EYS: variants seen among roughly 807,000 people sequenced by gnomAD.
EYS encodes protein eyes shut homolog.
A neutral mutation model predicts 282.1 loss-of-function variants in EYS; 250 were observed. The observed-to-expected ratio is 0.89, with a 90% CI of 0.80 to 0.98. EYS has a LOEUF of 0.98. Ranked by LOEUF, EYS falls within the 50% of genes least tolerant of loss-of-function variation. The pLI is 0.00. For missense variants in EYS, 4,016 were observed against 3,709.0 expected, an observed-to-expected ratio of 1.08 and a Z score of -2.15; for synonymous variants, 1,355 against 1,282.9, an observed-to-expected ratio of 1.06 and a Z score of -1.20.
At chr6:65,363,190 T>C (rs1441521401) in intron 8 of EYS, among the ~76,000 whole-genome samples, 5 of 84,924 alleles carry the variant, frequency 5.9e-5, no homozygotes, top group Non-Finnish European at 1.1e-4. Context: ...AAAATGATAT[T>C]AAAACTCTTT....
intron 2 of EYS, among the ~76,000 whole-genome samples, chr6:65,499,546 T>C (rs538847859): frequency 2.7e-4 from 41 of 151,984 alleles, no homozygotes; most frequent in Admixed American, 7.2e-4. Context: ...AAATTATACA[T>C]TGTACTTTCA....
At chr6:65,171,116 T>C (rs1247657111) in intron 12 of EYS, among the ~76,000 whole-genome samples, 1 of 151,488 alleles carries the variant, frequency 6.6e-6, no homozygotes, top group Non-Finnish European at 1.5e-5. Context: ...TAATTATCTG[T>C]TACTTGAATT....
intron 5 of EYS, chr6:65,489,639 G>A (rs1765953727): frequency 6.6e-6 from 1 of 152,084 alleles, no homozygotes; most frequent in Admixed American, 6.6e-5. Context: ...TATACCCAAA[G>A]GATTATAATC....
chr6:65,219,353 T>A (rs1766400591), intron 12 of EYS, among the ~76,000 whole-genome samples: 1 of 152,152 alleles, frequency 6.6e-6, no homozygotes, highest in African/African-American at 2.4e-5. Flanking sequence ...AAATTGGTGA[T>A]TGGTAAAACC....
intron 26 of EYS, among the ~76,000 whole-genome samples, chr6:64,560,825 C>T (rs1026176081): frequency 3.3e-5 from 5 of 151,790 alleles, no homozygotes; most frequent in East Asian, 3.9e-4. Flanking sequence ...TAAGTGCAGA[C>T]GATAAAGAAT....
intron 26 of EYS, among the ~76,000 whole-genome samples, chr6:64,490,907 T>C (rs1181554227): frequency 2.0e-5 from 3 of 150,772 alleles, no homozygotes; most frequent in African/African-American, 7.3e-5. Flanking sequence ...TATTATGTGG[T>C]AGAACTATTA....
intron 22 of EYS, among the ~76,000 whole-genome samples, chr6:64,683,917 C>T (rs565913044): frequency 4.8e-4 from 73 of 152,258 alleles, no homozygotes; most frequent in Admixed American, 4.3e-3. Context: ...CCTCGCTGCC[C>T]ACCCCATTTC....
At chr6:65,674,409 C>CCACTGTATT (rs1487305498) in intron 1 of EYS, among the ~76,000 whole-genome samples, 1 of 137,472 alleles carries the variant, frequency 7.3e-6, no homozygotes, top group Non-Finnish European at 1.5e-5. Context: ...CGAGATCACA[C>CCACTGTATT]CACTGTATTC....
intron 5 of EYS, among the ~76,000 whole-genome samples, chr6:65,437,556 T>A (rs1176440216): frequency 6.6e-6 from 1 of 152,152 alleles, no homozygotes; most frequent in African/African-American, 2.4e-5. Context: ...GTACAGAACT[T>A]ACTTTACCCA....
chr6:64,014,849 T>A lies in EYS; in HGVS notation c.6726-15666A>T, dbSNP rs555773753. Among the ~76,000 whole-genome samples, 3 of 152,138 alleles carry A rather than the reference T, an allele frequency of 2.0e-5. No homozygotes were observed. The South Asian group carries it at 6.2e-4, about 32-fold the overall frequency. On this transcript the variant is annotated intron_variant, in intron 33 of 42. Coordinates refer to ENST00000503581, the MANE Select transcript of EYS (RefSeq NM_001142800.2). ...CCTTCTAACTGTCCTTTCTATACCCTTTGTCAAACATGACTCCCCCATCTT... is the reference window on the plus strand; with the variant it reads ...CCTTCTAACTGTCCTTTCTATACCCATTGTCAAACATGACTCCCCCATCTT...
At chr6:64,071,292 T>A (rs1771564828) in intron 32 of EYS, among the ~76,000 whole-genome samples, 1 of 152,058 alleles carries the variant, frequency 6.6e-6, no homozygotes, top group African/African-American at 2.4e-5. Flanking sequence ...GTCTCTGAGC[T>A]ATTTCCCAAT....
At chr6:64,793,878 A>T (rs1463627506) in intron 22 of EYS, among the ~76,000 whole-genome samples, 1 of 152,168 alleles carries the variant, frequency 6.6e-6, no homozygotes, top group Non-Finnish European at 1.5e-5. Context: ...CATACAGCCC[A>T]GCATTTTAAA....
chr6:65,271,716 G>T (rs930556057), intron 12 of EYS, among the ~76,000 whole-genome samples: 1 of 151,908 alleles, frequency 6.6e-6, no homozygotes, highest in Non-Finnish European at 1.5e-5. Context: ...CCTCATAGCT[G>T]GGATTACAGG....
intron 26 of EYS, among the ~76,000 whole-genome samples, chr6:64,557,205 CACACACACACAT>C (rs1329900462): frequency 1.1e-5 from 1 of 93,832 alleles, no homozygotes; most frequent in Non-Finnish European, 2.0e-5. Flanking sequence ...CACACAGATA[CACACACACACAT>C]ACACACACAC....
chr6:64,488,201 C>A (rs1776632700), intron 26 of EYS, among the ~76,000 whole-genome samples: 2 of 150,902 alleles, frequency 1.3e-5, no homozygotes, highest in African/African-American at 4.8e-5. Context: ...TTAATAAATT[C>A]ACCAGAAGAA....
intron 22 of EYS, among the ~76,000 whole-genome samples, chr6:64,806,358 G>T (rs1214860337): frequency 2.0e-5 from 3 of 151,784 alleles, no homozygotes; most frequent in Admixed American, 6.6e-5. Context: ...TTATTTTGGA[G>T]TTTTTTATCT....
chr6:65,021,787 G>T (rs1333741038), intron 13 of EYS, among the ~76,000 whole-genome samples: 1 of 152,174 alleles, frequency 6.6e-6, no homozygotes, highest in African/African-American at 2.4e-5. Context: ...TGTTCAGCAT[G>T]GCTGTGGGAG....
intron 29 of EYS, among the ~76,000 whole-genome samples, chr6:64,317,255 T>C (rs1207293556): frequency 6.7e-6 from 1 of 149,742 alleles, no homozygotes; most frequent in African/African-American, 2.4e-5. Flanking sequence ...GAAACTATCA[T>C]CAGAATGGGA....
intron 31 of EYS, among the ~76,000 whole-genome samples, chr6:64,211,792 C>T (rs999711870): frequency 1.4e-4 from 21 of 150,806 alleles, no homozygotes; most frequent in South Asian, 1.0e-3. Context: ...TAATATAAAA[C>T]AGACATGATA....
Sources: gnomAD v4.1 joint callset for allele counts (sites outside exome capture counted in the v4.1 genomes callset) on GRCh38, gnomAD v4.1.1 for gene constraint, MANE v1.5 for transcripts, NCBI Gene and HGNC (gene_info 2026-07-23, HGNC 2026-07-21) for gene names.